The following MEIS2 variants were observed in gnomAD, a reference collection of about 807,000 sequenced individuals.
MEIS2 encodes Meis homeobox 2.
MEIS2 carries 9 observed loss-of-function variants against 58.6 expected under a neutral mutation model. The observed-to-expected ratio is 0.15, with a 90% confidence interval of 0.09 to 0.27. MEIS2 has a LOEUF of 0.27. MEIS2 is among the 10% of genes least tolerant of loss of function. The pLI, the probability that MEIS2 is intolerant of heterozygous loss-of-function variation, is 1.00. For missense variants in MEIS2, 427 were observed against 635.0 expected, an observed-to-expected ratio of 0.67 and a Z score of 3.52; for synonymous variants, 221 against 228.4, an observed-to-expected ratio of 0.97 and a Z score of 0.29.
Position 37,094,701 on chromosome 15 carries a change from C to G in MEIS2, c.439-124G>C. On this transcript the variant is annotated intron_variant, in intron 4 of 11. Coordinates refer to ENST00000561208, the MANE Select transcript of MEIS2 (RefSeq NM_170675.5). ...CTGGGGAGAAGAAACGGGCAGGTGG[C>G]CAGGAAAAACTTAAACATCAAGAAA... is the stretch of plus-strand genomic sequence containing the variant. 5.9e-6 allele frequency: 4 copies of G among 679,832 alleles called. No homozygotes were observed. In the Middle Eastern group the frequency reaches 1.2e-3, roughly 196 times the overall value. The allele number at this position is 679,832 out of a possible 1,614,324, so 42.1% of individuals were successfully genotyped here. A position where few individuals can be genotyped will look rare whatever the true frequency, so the allele number is the denominator to read the frequency against.
At chr15:36,931,571 C>T (rs902592017) in intron 9 of MEIS2, among the ~76,000 whole-genome samples, 4 of 152,138 alleles carry the variant, frequency 2.6e-5, no homozygotes, top group African/African-American at 9.7e-5. Context: ...TTTGTAAGGC[C>T]CTGTGACATT....
chr15:36,900,537 T>C (rs34280623), intron 9 of MEIS2, among the ~76,000 whole-genome samples: 39,736 of 152,128 alleles, frequency 0.26, 6,186 homozygotes, highest in East Asian at 0.46. Context: ...AACTTAATTA[T>C]AGAAATAAAT....
At chr15:36,983,703 G>A (rs2060004549) in intron 8 of MEIS2, among the ~76,000 whole-genome samples, 3 of 151,880 alleles carry the variant, frequency 2.0e-5, no homozygotes, top group Admixed American at 2.0e-4. Context: ...ATTTTGATAA[G>A]GATTGCAATG....
intron 8 of MEIS2, among the ~76,000 whole-genome samples, chr15:37,004,118 C>T (rs2060833766): frequency 6.6e-6 from 1 of 152,232 alleles, no homozygotes; most frequent in Non-Finnish European, 1.5e-5. Context: ...TCCACAACTA[C>T]TGGATGACTT....
At chr15:37,087,130 G>T (rs1892983528) in intron 6 of MEIS2, among the ~76,000 whole-genome samples, 1 of 152,088 alleles carries the variant, frequency 6.6e-6, no homozygotes, top group Admixed American at 6.6e-5. Flanking sequence ...CGCTCGCCGG[G>T]TGCCCGTGTA....
intron 8 of MEIS2, among the ~76,000 whole-genome samples, chr15:37,001,942 A>AT: frequency 6.6e-6 from 1 of 152,140 alleles, no homozygotes. Context: ...TGAAACACTT[A>AT]TTTTTATTAC....
chr15:37,011,946 T>A (rs1002458491), intron 8 of MEIS2, among the ~76,000 whole-genome samples: 1 of 152,094 alleles, frequency 6.6e-6, no homozygotes, highest in African/African-American at 2.4e-5. Context: ...GATCCCTATG[T>A]GAATAAAGAT....
chr15:37,043,912 T>C (rs2141770516), intron 7 of MEIS2, among the ~76,000 whole-genome samples: 1 of 152,196 alleles, frequency 6.6e-6, no homozygotes. Flanking sequence ...GGTCTGGATG[T>C]CTTGACCTCA....
chr15:36,929,770 A>G (rs1348122070), intron 9 of MEIS2, among the ~76,000 whole-genome samples: 1 of 152,108 alleles, frequency 6.6e-6, no homozygotes, highest in Non-Finnish European at 1.5e-5. Flanking sequence ...GAGGCAGCAA[A>G]CCTATTTCTC....
At chr15:37,096,527 CCTT>C (rs1037012134) in intron 2 of MEIS2, 97 bp from the exon 3 acceptor site, 3 of 1,450,586 alleles carry the variant, frequency 2.1e-6, no homozygotes, top group Non-Finnish European at 1.9e-6. Context: ...GGTGTGGAGT[CCTT>C]CTTTAATACA....
intron 9 of MEIS2, among the ~76,000 whole-genome samples, chr15:36,947,795 G>T (rs896002657): frequency 4.6e-5 from 7 of 152,050 alleles, no homozygotes; most frequent in Non-Finnish European, 8.8e-5. Context: ...ATAGTTTCTA[G>T]TCCACTCTTC....
At chr15:36,935,322 A>G (rs970264005) in intron 9 of MEIS2, among the ~76,000 whole-genome samples, 1 of 151,994 alleles carries the variant, frequency 6.6e-6, no homozygotes, top group African/African-American at 2.4e-5. Context: ...GCCATCCAGT[A>G]ATATATTCAG....
chr15:36,930,157 C>T (rs1322288041), intron 9 of MEIS2, among the ~76,000 whole-genome samples: 2 of 140,096 alleles, frequency 1.4e-5, no homozygotes, highest in Admixed American at 7.6e-5. Context: ...GAGGTGAGAT[C>T]GTACCACTGT....
intron 8 of MEIS2, among the ~76,000 whole-genome samples, chr15:37,031,933 G>A (rs1209250163): frequency 6.7e-6 from 1 of 150,236 alleles, no homozygotes; most frequent in Non-Finnish European, 1.5e-5. Flanking sequence ...CAAACTCCTG[G>A]GCTCAAATGA....
intron 7 of MEIS2, chr15:37,050,961 C>A (rs896613988): frequency 6.6e-6 from 1 of 152,164 alleles, no homozygotes. Flanking sequence ...TTGAGTATGA[C>A]CTCAGTCAAA....
intron 8 of MEIS2, among the ~76,000 whole-genome samples, chr15:37,028,280 T>C (rs2061779025): frequency 1.3e-5 from 2 of 152,160 alleles, no homozygotes; most frequent in Admixed American, 6.5e-5. Flanking sequence ...TGAAAAGCCA[T>C]TGCACCACCA....
chr15:36,984,759 T>C (rs2060041225), intron 8 of MEIS2, among the ~76,000 whole-genome samples: 1 of 152,192 alleles, frequency 6.6e-6, no homozygotes, highest in African/African-American at 2.4e-5. Flanking sequence ...ACTGATTCAA[T>C]CTCCTTACCG....
intron 7 of MEIS2, among the ~76,000 whole-genome samples, chr15:37,053,250 G>A (rs920493894): frequency 2.6e-5 from 4 of 152,148 alleles, no homozygotes; most frequent in African/African-American, 9.7e-5. Flanking sequence ...GCAAATTTCC[G>A]GATCTTGATC....
At chr15:36,913,147 C>A (rs1292238299) in intron 9 of MEIS2, among the ~76,000 whole-genome samples, 2 of 152,208 alleles carry the variant, frequency 1.3e-5, no homozygotes, top group African/African-American at 4.8e-5. Flanking sequence ...GAATGAGCTG[C>A]TTACTGCTAC....
Sources: allele counts gnomAD v4.1 joint callset (sites outside exome capture counted in the v4.1 genomes callset), GRCh38; gene constraint gnomAD v4.1.1; transcripts MANE v1.5; gene names NCBI Gene and HGNC (gene_info 2026-07-23, HGNC 2026-07-21).